The following STYK1 variants were observed in gnomAD, a reference collection of about 807,000 sequenced individuals.
The protein encoded by STYK1 is STY kinase 1.
A neutral mutation model predicts 48.1 loss-of-function variants in STYK1; 46 were observed. The observed-to-expected ratio is 0.96, with a 90% CI of 0.75 to 1.22. The LOEUF (loss-of-function observed/expected upper bound fraction) is 1.22, where lower values mean the gene tolerates loss of function less well. Among genes scored for constraint, STYK1 ranks in the 50% most tolerant of loss-of-function variants. The pLI is 0.00. For missense variants in STYK1, 527 were observed against 521.1 expected, an observed-to-expected ratio of 1.01 and a Z score of -0.11; for synonymous variants, 188 against 189.0, an observed-to-expected ratio of 0.99 and a Z score of 0.04.
chr12:10,637,751 C>T (rs1947502402), intron 1 of STYK1, among the ~76,000 whole-genome samples: 1 of 152,186 alleles, frequency 6.6e-6, no homozygotes, highest in Non-Finnish European at 1.5e-5. Context: ...TCAGAGGATG[C>T]TTATATTTAC....
At chr12:10,647,619 T>C (rs12311784) in intron 1 of STYK1, among the ~76,000 whole-genome samples, 6,694 of 152,154 alleles carry the variant, frequency 0.044, 499 homozygotes, top group African/African-American at 0.15. Context: ...GAAGGCAATA[T>C]TGGTTTTGAA....
chr12:10,620,230 C>T lies in STYK1; in HGVS notation c.1183G>A (p.Val395Ile). The T allele has an allele frequency of 6.2e-7, 1 of 1,614,242 alleles. No individual in the cohort carries two copies. The highest frequency in any genetic ancestry group is 8.5e-7 in the Non-Finnish European group (1 of 1,180,048). The stretch of plus-strand genomic sequence containing the variant: ...AGTTCAGGTACCACCAACTCTGGTA[C>T]TTGTAACACAGCCTCGTCATCTGCA... ...KTADDEAVLQ[V>I]PELVVPELYA... The change falls in exon 11 of 11, where the codon GTA (valine) becomes ATA (isoleucine). Residue 395 changes from valine to isoleucine, a missense_variant. Physicochemically the swap from Val to Ile is conservative, Grantham distance 29. Transcript: ENST00000075503.
intron 10 of STYK1, among the ~76,000 whole-genome samples, chr12:10,621,124 T>G (rs1227224534): frequency 6.6e-6 from 1 of 152,210 alleles, no homozygotes; most frequent in Non-Finnish European, 1.5e-5. Context: ...ACTTACAAAA[T>G]AGCAACAATT....
Position 10,619,868 on chromosome 12 carries a change from C to A in STYK1, c.*276G>T. 6.1e-6 allele frequency: 3 copies of A among 495,770 alleles called. No homozygotes were observed. The highest frequency in any genetic ancestry group is 3.0e-5 in the East Asian group (1 of 33,158). 30.7% of individuals were successfully genotyped at this position (495,770 alleles called of 1,614,324 possible). A position where few individuals can be genotyped will look rare whatever the true frequency, so the allele number is the denominator to read the frequency against. On this transcript the variant is annotated 3_prime_UTR_variant, in exon 11 of 11. Transcript: ENST00000075503. ...TTGTGCCATGCCCCAACAAATACTGCAGAGTTCTAAAACCTCCTTTGCACA... is the reference window on the plus strand; with the variant it reads ...TTGTGCCATGCCCCAACAAATACTGAAGAGTTCTAAAACCTCCTTTGCACA...
At position 10,629,508 on chromosome 12, in the gene STYK1, G is replaced by C; in HGVS notation, c.618C>G (p.Leu206=). 1 of 1,614,130 alleles carries C rather than the reference G, an allele frequency of 6.2e-7. No homozygotes were observed. The highest frequency in any genetic ancestry group is 8.5e-7 in the Non-Finnish European group (1 of 1,180,032). Reference sequence around the variant, plus strand: ...TACTGCTCACCCGCCGACAGGTCCAGAGAAAGCTGAGCAGGTCCCCCTGGG... The same window carrying C: ...TACTGCTCACCCGCCGACAGGTCCACAGAAAGCTGAGCAGGTCCCCCTGGG... ...DVAQGDLLSF[L]WTCRRDVMTM... The change falls in exon 6 of 11, where the codon CTC becomes CTG. Residue 206 remains leucine, a synonymous_variant. Coordinates refer to ENST00000075503, the MANE Select transcript of STYK1 (RefSeq NM_018423.3).
At position 10,650,862 on chromosome 12, in the gene STYK1, G is replaced by A. The variant is rs148799048; in HGVS notation, c.-194-13666C>T. 3.1e-3 allele frequency among the ~76,000 whole-genome samples: 474 copies of A among 152,102 alleles called. 2 individuals are homozygous for A. The highest frequency in any genetic ancestry group is 0.011 in the African/African-American group (450 of 41,486). On this transcript the variant is annotated intron_variant, in intron 1 of 10. Transcript: ENST00000075503. ...CTAAAAAAAAATACAAGAATTAGCC[G>A]GGCGTGGTGGCACACACCTGTAGTC... is the stretch of plus-strand genomic sequence containing the variant.
chr12:10,630,032 GGAGAGAGAGAGAGAGA>G (rs11268204), intron 5 of STYK1, among the ~76,000 whole-genome samples: 37,033 of 137,300 alleles, frequency 0.27, 5,920 homozygotes, highest in Non-Finnish European at 0.34. Context: ...ATCATGAAGA[GGAGAGAGAGAGAGAGA>G]GAGAGAGAGA....
chr12:10,671,438 G>A (rs1947890937), intron 1 of STYK1, among the ~76,000 whole-genome samples: 1 of 138,312 alleles, frequency 7.2e-6, no homozygotes, highest in Non-Finnish European at 1.5e-5. Flanking sequence ...TGTGAGAAAG[G>A]CAAAAGTGAG....
At chr12:10,628,398 G>T (rs1001583099) in intron 6 of STYK1, among the ~76,000 whole-genome samples, 1 of 152,098 alleles carries the variant, frequency 6.6e-6, no homozygotes, top group African/African-American at 2.4e-5. Context: ...GGTGGAACAA[G>T]AAAAACATAT....
intron 1 of STYK1, chr12:10,667,323 A>C (rs10743918): frequency 0.34 from 51,113 of 152,006 alleles, 9,088 homozygotes; most frequent in East Asian, 0.58. Flanking sequence ...ATTGTTAAGA[A>C]TTAGCTGTCA....
chr12:10,668,673 G>T (rs1370643799), intron 1 of STYK1, among the ~76,000 whole-genome samples: 2 of 150,942 alleles, frequency 1.3e-5, no homozygotes, highest in African/African-American at 4.9e-5. Context: ...GGGATTACAG[G>T]TGTGAGCCAC....
intron 6 of STYK1, 106 bp from the exon 7 acceptor site, chr12:10,627,830 T>C: frequency 1.1e-6 from 1 of 925,900 alleles, no homozygotes; most frequent in Non-Finnish European, 1.6e-6. Context: ...ATCAAAGCTT[T>C]GAAAAATATA....
chr12:10,624,718 T>C lies in STYK1; in HGVS notation c.859A>G (p.Thr287Ala), dbSNP rs1203862824. Residue 287 changes from threonine (T) to alanine (A), a missense_variant, in exon 8 of 11, where the codon ACC (threonine) becomes GCC (alanine). Coordinates refer to ENST00000075503, the MANE Select transcript of STYK1 (RefSeq NM_018423.3). Reference sequence around the variant, plus strand: ...GGGGCAAGCCACTTGAGAGGTATGGTTTGAGTAGAGGAGATGGCCCCTCGG... The same window carrying C: ...GGGGCAAGCCACTTGAGAGGTATGGCTTGAGTAGAGGAGATGGCCCCTCGG... ...YTRGAISSTQ[T>A]IPLKWLAPER... The C allele has an allele frequency of 6.2e-7, 1 of 1,613,932 alleles. No homozygotes were observed. Among genetic ancestry groups the C allele is most frequent in the African/African-American group, 1.3e-5 (1 of 74,878 alleles).
At position 10,672,167 on chromosome 12, in the gene STYK1, C is replaced by T. The variant is rs1947897191; in HGVS notation, c.-195+1799G>A. ...CCTGGAATAGATGCAGGCTTCATAA[C>T]ATGTTAGTTTTGGATAGCCAGCCTA... On this transcript the variant is annotated intron_variant, in intron 1 of 10. Transcript: ENST00000075503. The surrounding 1 kb of genome is among the most constrained non-coding windows in gnomAD (Gnocchi z 4.0). Among the ~76,000 whole-genome samples the T allele has an allele frequency of 1.3e-5, 2 of 152,184 alleles. No homozygotes were observed. Among genetic ancestry groups the T allele is most frequent in the South Asian group, 4.1e-4 (2 of 4,820 alleles).
chr12:10,631,446 C>T, intron 4 of STYK1, 138 bp from the exon 5 acceptor site: 1 of 1,067,828 alleles, frequency 9.4e-7, no homozygotes, highest in South Asian at 1.6e-5. Context: ...TGATGCTTCT[C>T]TATAAACCAG....
chr12:10,661,853 A>C (rs79733435), intron 1 of STYK1, among the ~76,000 whole-genome samples: 2 of 30,280 alleles, frequency 6.6e-5, no homozygotes, highest in South Asian at 3.1e-3. Context: ...CTTGTGTTTT[A>C]TAAATTGAGA....
intron 1 of STYK1, among the ~76,000 whole-genome samples, chr12:10,655,261 C>T (rs1376420175): frequency 6.6e-6 from 1 of 152,126 alleles, no homozygotes; most frequent in Non-Finnish European, 1.5e-5. Context: ...TGTTTTATAT[C>T]CTTGGGAGCT....
Position 10,624,772 on chromosome 12 carries a change from C to T in STYK1, c.805G>A (p.Gly269Arg). 6.2e-7 allele frequency: 1 copy of T among 1,614,122 alleles called. No homozygotes were observed. The highest frequency in any genetic ancestry group is 8.5e-7 in the Non-Finnish European group (1 of 1,180,026). Reference protein sequence around the residue: ...MQSDLTAKLCGLGLAYEVYTR... With the variant: ...MQSDLTAKLCRLGLAYEVYTR... ...TAAACTTCATAAGCCAGGCCTAATC[C>T]ACAGAGCTTAGCAGTGAGATCACTT... Residue 269 changes from glycine (G) to arginine (R), a missense_variant, in exon 8 of 11, where the codon GGA becomes AGA. By Grantham distance (125) the Gly-to-Arg change is moderately radical. Coordinates refer to ENST00000075503, the MANE Select transcript of STYK1 (RefSeq NM_018423.3).
chr12:10,646,118 A>G (rs2418086), intron 1 of STYK1, among the ~76,000 whole-genome samples: 149,259 of 152,298 alleles, frequency 0.98, 73,206 homozygotes, highest in East Asian at 1. Flanking sequence ...TACCAGGAGT[A>G]GGGTGCTACT....
Sources: allele counts gnomAD v4.1 joint callset (sites outside exome capture counted in the v4.1 genomes callset), GRCh38; gene constraint gnomAD v4.1.1; non-coding constraint Gnocchi (gnomAD v3.1); transcripts MANE v1.5; gene names NCBI Gene and HGNC (gene_info 2026-07-23, HGNC 2026-07-21).